The following MME variants were observed in gnomAD, a reference collection of about 807,000 sequenced individuals.
The protein encoded by MME is neprilysin.
A neutral mutation model predicts 113.2 loss-of-function variants in MME; 98 were observed. That is an observed-to-expected ratio of 0.87 (90% CI 0.74 to 1.02). The LOEUF is 1.02. Among genes scored for constraint, MME ranks in the 50% least tolerant of loss-of-function variants. MME has a pLI of 0.00. For synonymous variants in MME, 292 were observed against 300.6 expected, an observed-to-expected ratio of 0.97 and a Z score of 0.30; for missense variants, 836 against 896.0, an observed-to-expected ratio of 0.93 and a Z score of 0.86.
chr3:155,066,005 G>A (rs1220175756), intron 1 of MME, among the ~76,000 whole-genome samples: 1 of 152,164 alleles, frequency 6.6e-6, no homozygotes, highest in Admixed American at 6.5e-5. Flanking sequence ...TAATTCAGGA[G>A]TGTTTCACTA....
intron 1 of MME, among the ~76,000 whole-genome samples, chr3:155,053,218 C>T (rs1713817207): frequency 6.6e-6 from 1 of 152,194 alleles, no homozygotes; most frequent in African/African-American, 2.4e-5. Context: ...AAAGTCACTT[C>T]TGAATTTTTG....
At chr3:155,118,539 C>T (rs1189765816) in intron 7 of MME, among the ~76,000 whole-genome samples, 1 of 152,128 alleles carries the variant, frequency 6.6e-6, no homozygotes, top group Non-Finnish European at 1.5e-5. Flanking sequence ...CAGCACAGTC[C>T]TCCAGATTAT....
At chr3:155,052,888 A>C (rs1195933919) in intron 1 of MME, among the ~76,000 whole-genome samples, 1 of 152,124 alleles carries the variant, frequency 6.6e-6, no homozygotes, top group African/African-American at 2.4e-5. Flanking sequence ...CCTTCTGTTG[A>C]ATGCTTCGGT....
At chr3:155,141,529 A>G (rs1721087647) in intron 10 of MME, among the ~76,000 whole-genome samples, 1 of 152,152 alleles carries the variant, frequency 6.6e-6, no homozygotes, top group Non-Finnish European at 1.5e-5. Flanking sequence ...ACATCACTGT[A>G]CCACTGCTAT....
intron 3 of MME, among the ~76,000 whole-genome samples, chr3:155,104,121 C>T (rs889471684): frequency 6.6e-6 from 1 of 152,038 alleles, no homozygotes; most frequent in African/African-American, 2.4e-5. Flanking sequence ...AAGATGAAAC[C>T]CTGCAAGCTC....
chr3:155,172,958 C>T (rs1385699998), intron 22 of MME, among the ~76,000 whole-genome samples: 1 of 152,032 alleles, frequency 6.6e-6, no homozygotes. Flanking sequence ...AGGCCCAGAC[C>T]CAATGAGCTC....
intron 8 of MME, among the ~76,000 whole-genome samples, chr3:155,133,914 A>G (rs1053201714): frequency 3.8e-4 from 58 of 150,838 alleles, no homozygotes; most frequent in South Asian, 1.5e-3. Context: ...CTAAAGGTCG[A>G]TTGATTTATA....
At chr3:155,118,402 T>C (rs1473635631) in intron 7 of MME, among the ~76,000 whole-genome samples, 1 of 152,244 alleles carries the variant, frequency 6.6e-6, no homozygotes, top group African/African-American at 2.4e-5. Flanking sequence ...TCTGTGAATA[T>C]GTAATTTAGA....
chr3:155,139,813 G>A (rs1720920691), intron 9 of MME, among the ~76,000 whole-genome samples: 1 of 152,186 alleles, frequency 6.6e-6, no homozygotes, highest in Non-Finnish European at 1.5e-5. Context: ...ATGGGAGAGA[G>A]AGTATTTAAG....
chr3:155,125,085 G>C (rs1719507894), intron 8 of MME, among the ~76,000 whole-genome samples: 1 of 148,590 alleles, frequency 6.7e-6, no homozygotes, highest in African/African-American at 2.5e-5. Flanking sequence ...CGTGGGCGTA[G>C]GACCCTCCGA....
chr3:155,033,175 C>A lies in MME; in HGVS notation c.-11+8851C>A, dbSNP rs144147755. 1.8e-3 allele frequency among the ~76,000 whole-genome samples: 277 copies of A among 152,248 alleles called. 2 individuals are homozygous for A. The highest frequency in any genetic ancestry group is 6.5e-3 in the African/African-American group (268 of 41,548). ...ATTAAAGAAGAGAGTTAAGCTATAA[C>A]CTAAGAAGCAGAATTGCAAACATGC... On this transcript the variant is annotated intron_variant, in intron 1 of 22. Transcript: ENST00000492661.
At position 155,118,740 on chromosome 3, in the gene MME, T is replaced by G; in HGVS notation, c.655-6T>G. On this transcript the variant is annotated splice_region_variant and splice_polypyrimidine_tract_variant and intron_variant, in intron 7 of 22. Coordinates refer to ENST00000360490, the MANE Select transcript of MME (RefSeq NM_007289.4). ...ATTTATTTTCTTTTATGTATATTTT[T>G]TATAGATTGACCAACCTCGACTTGG... The G allele has an allele frequency of 6.4e-7, 1 of 1,559,592 alleles. No individual in the cohort carries two copies. Among genetic ancestry groups the G allele is most frequent in the East Asian group, 2.3e-5 (1 of 44,046 alleles).
rs555182376 is a variant in MME at position 155,160,034 on chromosome 3, G to A, written c.1602-356G>A. Among the ~76,000 whole-genome samples the A allele has an allele frequency of 3.3e-5, 5 of 151,986 alleles. No homozygotes were observed. The East Asian group carries it at 9.7e-4, about 29-fold the overall frequency. On this transcript the variant is annotated intron_variant, in intron 16 of 22. Coordinates refer to ENST00000360490, the MANE Select transcript of MME (RefSeq NM_007289.4). ...GTATTCTGTCAACTGCTCCAGAATCGTTGTCATAGTTACCTAGTATCAGGA... is the reference window on the plus strand; with the variant it reads ...GTATTCTGTCAACTGCTCCAGAATCATTGTCATAGTTACCTAGTATCAGGA...
intron 3 of MME, among the ~76,000 whole-genome samples, chr3:155,103,411 G>A (rs1334636666): frequency 6.6e-6 from 1 of 152,122 alleles, no homozygotes; most frequent in African/African-American, 2.4e-5. Flanking sequence ...CAGTATTTCT[G>A]TATCAAGCCT....
intron 1 of MME, among the ~76,000 whole-genome samples, chr3:155,036,339 T>TA (rs1283683855): frequency 6.6e-6 from 1 of 152,192 alleles, no homozygotes; most frequent in African/African-American, 2.4e-5. Context: ...TTGACAGTTT[T>TA]ACGCTTTTAT....
intron 1 of MME, chr3:155,083,604 A>G (rs1267981768): frequency 6.4e-6 from 1 of 157,220 alleles, no homozygotes; most frequent in African/African-American, 2.4e-5. Flanking sequence ...GTAAAAATAA[A>G]GGTTGTTTTT....
At chr3:155,115,267 T>C in intron 4 of MME, 112 bp downstream of exon 4, 1 of 1,345,138 alleles carries the variant, frequency 7.4e-7, no homozygotes, top group Non-Finnish European at 1.0e-6. Flanking sequence ...AAAAAGTTAA[T>C]AATCCTTCCA....
intron 8 of MME, among the ~76,000 whole-genome samples, chr3:155,130,773 A>T (rs1343042988): frequency 6.6e-6 from 1 of 152,192 alleles, no homozygotes; most frequent in African/African-American, 2.4e-5. Flanking sequence ...GCTGAGAGAA[A>T]CTGTTCAGGA....
At chr3:155,102,880 G>A (rs1717377042) in intron 3 of MME, among the ~76,000 whole-genome samples, 1 of 152,168 alleles carries the variant, frequency 6.6e-6, no homozygotes, top group South Asian at 2.1e-4. Context: ...CCCTTCTTCA[G>A]AGGGTAGCCT....
Sources: gnomAD v4.1 joint callset for allele counts (sites outside exome capture counted in the v4.1 genomes callset) on GRCh38, gnomAD v4.1.1 for gene constraint, MANE v1.5 for transcripts, NCBI Gene and HGNC (gene_info 2026-07-23, HGNC 2026-07-21) for gene names.